EBF3: variants seen among roughly 807,000 people sequenced by gnomAD.
EBF3 encodes the protein EBF transcription factor 3, also known as transcription factor COE3.
A neutral mutation model predicts 77.1 loss-of-function variants in EBF3; 18 were observed. The observed-to-expected ratio is 0.23, with a 90% CI of 0.16 to 0.35. The LOEUF is 0.35. Among genes scored for constraint, EBF3 ranks in the 10% least tolerant of loss-of-function variants. EBF3 has a pLI of 1.00. For synonymous variants in EBF3, 350 were observed against 343.5 expected, an observed-to-expected ratio of 1.02 and a Z score of -0.21; for missense variants, 558 against 860.0, an observed-to-expected ratio of 0.65 and a Z score of 4.39.
chr10:129,869,597 C>T (rs1052387779), intron 8 of EBF3, among the ~76,000 whole-genome samples: 1 of 152,134 alleles, frequency 6.6e-6, no homozygotes, highest in Non-Finnish European at 1.5e-5. Flanking sequence ...TCCGGAAGCC[C>T]GCGTGCCGTG....
chr10:129,957,366 C>T (rs768214748), intron 5 of EBF3, 40 bp from the exon 6 acceptor site: 3 of 1,524,136 alleles, frequency 2.0e-6, no homozygotes. Flanking sequence ...ATATGCATTT[C>T]CCCCTTTTAT....
intron 10 of EBF3, among the ~76,000 whole-genome samples, chr10:129,860,595 G>A (rs543235942): frequency 1.3e-5 from 2 of 152,140 alleles, no homozygotes; most frequent in Non-Finnish European, 2.9e-5. Context: ...CAGCCACTTG[G>A]AAAACGACCA....
chr10:129,854,435 G>A (rs537021982), intron 10 of EBF3, among the ~76,000 whole-genome samples: 77 of 152,126 alleles, frequency 5.1e-4, no homozygotes, highest in African/African-American at 1.8e-3. Context: ...GTTTTAGATG[G>A]GTTTTTGCTT....
At chr10:129,955,224 T>C (rs747366957) in intron 6 of EBF3, among the ~76,000 whole-genome samples, 2 of 152,226 alleles carry the variant, frequency 1.3e-5, no homozygotes, top group Admixed American at 6.5e-5. Context: ...TGTCATTTCA[T>C]AAAACTACCC....
At chr10:129,901,435 G>A (rs1423772811) in intron 6 of EBF3, among the ~76,000 whole-genome samples, 1 of 152,170 alleles carries the variant, frequency 6.6e-6, no homozygotes, top group African/African-American at 2.4e-5. Flanking sequence ...GGTCCAGGGT[G>A]CGATCCTACC....
chr10:129,890,179 A>C (rs1276839019), intron 6 of EBF3, among the ~76,000 whole-genome samples: 1 of 152,126 alleles, frequency 6.6e-6, no homozygotes, highest in Non-Finnish European at 1.5e-5. Flanking sequence ...ATCCTTAATC[A>C]AAATGCGAGT....
Position 129,935,228 on chromosome 10 carries a change from G to A in EBF3, c.554+22030C>T, listed in dbSNP as rs1250048766. ...GGGGAGATTCTTGAAGGTCCCACTC[G>A]CACCTGTCACAGCAGCCACTGTGGC... is the stretch of plus-strand genomic sequence containing the variant. On this transcript the variant is annotated intron_variant, in intron 6 of 16. Coordinates refer to ENST00000440978, the MANE Select transcript of EBF3 (RefSeq NM_001375380.1). The surrounding 1 kb of genome is among the most constrained non-coding windows in gnomAD (Gnocchi z 4.2). Among the ~76,000 whole-genome samples the A allele has an allele frequency of 2.0e-5, 3 of 152,094 alleles. No individual in the cohort carries two copies. Among genetic ancestry groups the A allele is most frequent in the Non-Finnish European group, 2.9e-5 (2 of 68,018 alleles).
At chr10:129,847,577 A>G (rs1453761518) in intron 11 of EBF3, among the ~76,000 whole-genome samples, 1 of 152,248 alleles carries the variant, frequency 6.6e-6, no homozygotes, top group Non-Finnish European at 1.5e-5. Context: ...TATTGTGTTA[A>G]TAAAACTCAG....
At chr10:129,889,972 T>G (rs1359862488) in intron 6 of EBF3, among the ~76,000 whole-genome samples, 1 of 132,456 alleles carries the variant, frequency 7.5e-6, no homozygotes, top group Non-Finnish European at 1.6e-5. Flanking sequence ...TTTTTTTTTT[T>G]TTTTGGTTAT....
chr10:129,924,064 C>G (rs1240905314), intron 6 of EBF3, among the ~76,000 whole-genome samples: 1 of 152,122 alleles, frequency 6.6e-6, no homozygotes, highest in South Asian at 2.1e-4. Context: ...GAGGGAAATG[C>G]AAATCCAAGC....
intron 6 of EBF3, among the ~76,000 whole-genome samples, chr10:129,946,916 T>C (rs1473604537): frequency 6.6e-6 from 1 of 152,256 alleles, no homozygotes; most frequent in Admixed American, 6.5e-5. Flanking sequence ...CCTCCCCCTC[T>C]GCAAGCACTT....
chr10:129,956,023 A>G (rs1316510893), intron 6 of EBF3, among the ~76,000 whole-genome samples: 1 of 152,254 alleles, frequency 6.6e-6, no homozygotes. Context: ...TAAAGTGTTG[A>G]ACTTGTTCTC....
At chr10:129,843,935 G>A (rs1850272655) in intron 11 of EBF3, among the ~76,000 whole-genome samples, 1 of 152,230 alleles carries the variant, frequency 6.6e-6, no homozygotes, top group South Asian at 2.1e-4. Flanking sequence ...TCCAGTTTAC[G>A]ATTGTGCGGA....
intron 10 of EBF3, among the ~76,000 whole-genome samples, chr10:129,849,901 CTA>C (rs1248134418): frequency 6.6e-6 from 1 of 152,204 alleles, no homozygotes; most frequent in African/African-American, 2.4e-5. Context: ...GATGTAAATT[CTA>C]TATGTGTAAA....
intron 6 of EBF3, among the ~76,000 whole-genome samples, chr10:129,924,406 C>T (rs1856507941): frequency 6.7e-6 from 1 of 148,338 alleles, no homozygotes; most frequent in African/African-American, 2.5e-5. Context: ...CAGAGTGAGA[C>T]TCCGTCTCAA....
intron 8 of EBF3, among the ~76,000 whole-genome samples, chr10:129,871,199 C>G (rs1014283743): frequency 6.6e-6 from 1 of 151,978 alleles, no homozygotes; most frequent in South Asian, 2.1e-4. Flanking sequence ...GCAGGGCTCG[C>G]GGAAGGTTTA....
chr10:129,958,785 G>C, intron 5 of EBF3, 149 bp downstream of exon 5: 1 of 1,070,990 alleles, frequency 9.3e-7, no homozygotes, highest in South Asian at 1.9e-5. Context: ...CTCCTCCGCG[G>C]CCCGGCGCGC....
chr10:129,945,472 T>C (rs1407097390), intron 6 of EBF3, among the ~76,000 whole-genome samples: 1 of 152,176 alleles, frequency 6.6e-6, no homozygotes, highest in Non-Finnish European at 1.5e-5. Context: ...ACGGATTCCG[T>C]ACAGTCCTCC....
chr10:129,889,946 C>CT (rs10665456), intron 6 of EBF3, among the ~76,000 whole-genome samples: 2,730 of 82,718 alleles, frequency 0.033, 328 homozygotes, highest in East Asian at 0.11. Context: ...ATTGAAGTGC[C>CT]TTTTTTTTTT....
Sources: allele counts gnomAD v4.1 joint callset (sites outside exome capture counted in the v4.1 genomes callset), GRCh38; gene constraint gnomAD v4.1.1; non-coding constraint Gnocchi (gnomAD v3.1); transcripts MANE v1.5; gene names NCBI Gene and HGNC (gene_info 2026-07-23, HGNC 2026-07-21).